Variants in HEY2 observed in about 807,000 individuals in gnomAD.
HEY2 encodes the protein hairy/enhancer-of-split related with YRPW motif protein 2.
Under a neutral mutation model 18.1 loss-of-function variants are expected in HEY2, and 10 were observed. That is an observed-to-expected ratio of 0.55 (90% CI 0.34 to 0.94). HEY2 has a LOEUF of 0.94. Ranked by LOEUF, HEY2 falls within the 40% of genes least tolerant of loss-of-function variation. The probability of loss-of-function intolerance (pLI) is 0.02; values close to 1 mark genes in which losing one functional copy is unlikely to be tolerated. For missense variants in HEY2, 455 were observed against 455.9 expected, an observed-to-expected ratio of 1.00 and a Z score of 0.02; for synonymous variants, 210 against 182.7, an observed-to-expected ratio of 1.15 and a Z score of -1.21.
intron 4 of HEY2, among the ~76,000 whole-genome samples, chr6:125,758,448 T>C (rs540744699): frequency 2.0e-5 from 3 of 152,232 alleles, no homozygotes; most frequent in African/African-American, 7.2e-5. Context: ...GACAGAAATA[T>C]AAGATCTTCA....
Position 125,749,767 on chromosome 6 carries a change from CT to C in HEY2, c.-8del. 1 of 1,563,934 alleles carries C rather than the reference CT, an allele frequency of 6.4e-7. No individual in the cohort carries two copies. The highest frequency in any genetic ancestry group is 1.4e-5 in the African/African-American group (1 of 73,602). On this transcript the variant is annotated 5_prime_UTR_variant, in exon 1 of 5. Transcript: ENST00000368364. The stretch of plus-strand genomic sequence containing the variant: ...CCGGCCGGGCTGTGCCCCGCGCGGT[CT>C]TCGCCGGGATGAAGCGCCCCTGCGA...
At chr6:125,749,959 A>T (rs548825663) in intron 1 of HEY2, 100 bp downstream of exon 1, 6 of 1,016,266 alleles carry the variant, frequency 5.9e-6, no homozygotes, top group Non-Finnish European at 8.9e-6. Context: ...TCTCCGCAGC[A>T]TCTAGGTAGA....
chr6:125,760,007 G>A lies in HEY2; in HGVS notation c.*205G>A, dbSNP rs1201380148. On this transcript the variant is annotated 3_prime_UTR_variant, in exon 5 of 5. Transcript: ENST00000368364. ...TTTTTGTTTGGTTCAAGGCAGCTCG[G>A]TAACTGACATCAGCAACTTTTGAAA... The A allele has an allele frequency of 3.4e-6, 2 of 585,454 alleles. No individual in the cohort carries two copies. Among genetic ancestry groups the A allele is most frequent in the African/African-American group, 1.9e-5 (1 of 53,202 alleles). The allele number at this position is 585,454 out of a possible 1,614,324, so 36.3% of individuals were successfully genotyped here.
Position 125,759,695 on chromosome 6 carries a change from A to G in HEY2, c.907A>G (p.Ile303Val), listed in dbSNP as rs1583191962. 6.2e-7 allele frequency: 1 copy of G among 1,612,990 alleles called. No individual in the cohort carries two copies. The highest frequency in any genetic ancestry group is 1.1e-5 in the South Asian group (1 of 91,092). Residue 303 changes from isoleucine to valine, a missense_variant, in exon 5 of 5, where the codon ATC (isoleucine) becomes GTC (valine). Transcript: ENST00000368364. ...AGCAGCAGTGGCCGCGGCCACAGCC[A>G]TCAGCCCGCCCTTGTCAGTATCAGC... is the stretch of plus-strand genomic sequence containing the variant. ...AAAAVAAATA[I>V]SPPLSVSATS...
At chr6:125,754,421 T>C (rs781418607) in intron 3 of HEY2, 44 bp from the exon 4 acceptor site, 1 of 1,197,626 alleles carries the variant, frequency 8.3e-7, no homozygotes, top group Non-Finnish European at 1.2e-6. Context: ...CAGATTAGTT[T>C]CTGTAGGACA....
At chr6:125,754,058 T>TA (rs1455424590) in intron 3 of HEY2, among the ~76,000 whole-genome samples, 1 of 152,200 alleles carries the variant, frequency 6.6e-6, no homozygotes, top group African/African-American at 2.4e-5. Context: ...CTGGAGTTGT[T>TA]ATGCAACTCC....
Position 125,749,693 on chromosome 6 carries a change from G to A in HEY2, c.-84G>A, listed in dbSNP as rs1267635161. 17 of 995,682 alleles carry A rather than the reference G, an allele frequency of 1.7e-5. No homozygotes were observed. The highest frequency in any genetic ancestry group is 2.5e-5 in the Non-Finnish European group (17 of 682,884). 61.7% of individuals were successfully genotyped at this position (995,682 alleles called of 1,614,324 possible). A position where few individuals can be genotyped will look rare whatever the true frequency, so the allele number is the denominator to read the frequency against. ...AGCCGCGCCTGCCCAGGCCCGGGGA[G>A]GGAGGAGGCGGGCGTCAGGGTGCTG... On this transcript the variant is annotated 5_prime_UTR_variant, in exon 1 of 5. Transcript: ENST00000368364.
At position 125,759,935 on chromosome 6, in the gene HEY2, C is replaced by G; in HGVS notation, c.*133C>G. 1 of 730,788 alleles carries G rather than the reference C, an allele frequency of 1.4e-6. No individual in the cohort carries two copies. The highest frequency in any genetic ancestry group is 1.8e-5 in the African/African-American group (1 of 56,296). 45.3% of individuals were successfully genotyped at this position (730,788 alleles called of 1,614,324 possible). A position where few individuals can be genotyped will look rare whatever the true frequency, so the allele number is the denominator to read the frequency against. On this transcript the variant is annotated 3_prime_UTR_variant, in exon 5 of 5. Transcript: ENST00000368364. ...AGGAACAATAAAGCTATTTGAGACA[C>G]AAACCTCACGAGTGGAAATGTGGTA...
Position 125,760,168 on chromosome 6 carries a change from A to G in HEY2, c.*366A>G, listed in dbSNP as rs971387075. On this transcript the variant is annotated 3_prime_UTR_variant, in exon 5 of 5. Transcript: ENST00000368364. ...TCTTGAGACTAGATGGGACATACAT[A>G]TATAGAGAGAGAGTGAGAGAGTCGT... is the stretch of plus-strand genomic sequence containing the variant. 2 of 222,032 alleles carry G rather than the reference A, an allele frequency of 9.0e-6. No individual in the cohort carries two copies. The highest frequency in any genetic ancestry group is 1.8e-5 in the Non-Finnish European group (2 of 111,986). 13.8% of individuals were successfully genotyped at this position (222,032 alleles called of 1,614,324 possible). A position where few individuals can be genotyped will look rare whatever the true frequency, so the allele number is the denominator to read the frequency against.
At chr6:125,757,151 G>A (rs1482736363) in intron 4 of HEY2, among the ~76,000 whole-genome samples, 2 of 152,110 alleles carry the variant, frequency 1.3e-5, no homozygotes, top group East Asian at 1.9e-4. Context: ...ATCTAGAGAG[G>A]ATTTAGTAGA....
Position 125,759,461 on chromosome 6 carries a change from GCT to G in HEY2, c.677_678del (p.Leu226ProfsTer99), listed in dbSNP as rs1191542702. ...TSEVPPAHGS[A>X]LLTATFAHAD... ...AGAAGTGCCTCCTGCCCACGGCTCT[GCT>G]CTCCTCACGGCCACGTTTGCCCATG... is the stretch of plus-strand genomic sequence containing the variant. On this transcript the variant is annotated frameshift_variant, in exon 5 of 5. Coordinates refer to ENST00000368364, the MANE Select transcript of HEY2 (RefSeq NM_012259.3). LOFTEE classifies it low-confidence loss of function (END_TRUNC). The G allele has an allele frequency of 6.2e-7, 1 of 1,611,590 alleles. No individual in the cohort carries two copies. Among genetic ancestry groups the G allele is most frequent in the Admixed American group, 1.7e-5 (1 of 60,016 alleles).
chr6:125,753,496 A>T (rs1773591900), intron 3 of HEY2, among the ~76,000 whole-genome samples: 1 of 152,132 alleles, frequency 6.6e-6, no homozygotes, highest in Non-Finnish European at 1.5e-5. Context: ...CTCTCACCGT[A>T]CGTGGTGCTG....
Position 125,760,358 on chromosome 6 carries a change from A to G in HEY2, c.*556A>G, listed in dbSNP as rs1410337259. ...AGAGAAGAGTATTCTGCTGAAACCAACAGGTTTTACTGGTCAAAATGACTG... is the reference window on the plus strand; with the variant it reads ...AGAGAAGAGTATTCTGCTGAAACCAGCAGGTTTTACTGGTCAAAATGACTG... On this transcript the variant is annotated 3_prime_UTR_variant, in exon 5 of 5. Transcript: ENST00000368364. The G allele has an allele frequency of 6.5e-6, 1 of 153,242 alleles. No homozygotes were observed. The highest frequency in any genetic ancestry group is 1.5e-5 in the Non-Finnish European group (1 of 68,792). 9.5% of individuals were successfully genotyped at this position (153,242 alleles called of 1,614,324 possible). A position where few individuals can be genotyped will look rare whatever the true frequency, so the allele number is the denominator to read the frequency against.
At chr6:125,753,866 A>C (rs1773598992) in intron 3 of HEY2, among the ~76,000 whole-genome samples, 1 of 152,178 alleles carries the variant, frequency 6.6e-6, no homozygotes, top group Non-Finnish European at 1.5e-5. Context: ...TTATTGGGGA[A>C]AAAAACCTTA....
At chr6:125,750,017 G>A (rs1183616696) in intron 1 of HEY2, among the ~76,000 whole-genome samples, 158 bp downstream of exon 1, 40 of 152,218 alleles carry the variant, frequency 2.6e-4, no homozygotes, top group Non-Finnish European at 4.4e-5. Context: ...CGCTCGCAGA[G>A]CGTGAGTTGG....
At chr6:125,758,285 T>C (rs1354381493) in intron 4 of HEY2, among the ~76,000 whole-genome samples, 1 of 152,178 alleles carries the variant, frequency 6.6e-6, no homozygotes, top group African/African-American at 2.4e-5. Context: ...TAACCATAGG[T>C]ATAGGAGTGC....
In HEY2 at chr6:125,751,922, A is replaced by G. The variant is rs373889651; in HGVS notation, c.162+43A>G. ...CTTTTTATTTCATGTAACTTATACT[A>G]TTGTGTAACAGTTACATTTTTTCAT... On this transcript the variant is annotated intron_variant, in intron 2 of 4. Transcript: ENST00000368364. The G allele has an allele frequency of 6.4e-6, 10 of 1,564,260 alleles. No homozygotes were observed. The African/African-American group carries it at 1.2e-4, about 19-fold the overall frequency.
At chr6:125,757,941 T>C (rs6902519) in intron 4 of HEY2, among the ~76,000 whole-genome samples, 83,426 of 152,054 alleles carry the variant, frequency 0.55, 23,178 homozygotes, top group East Asian at 0.75. Flanking sequence ...CAGAGTGAAA[T>C]CCTGTCTCAA....
intron 1 of HEY2, among the ~76,000 whole-genome samples, chr6:125,751,098 A>G (rs1380205737): frequency 1.3e-5 from 2 of 152,244 alleles, no homozygotes; most frequent in Non-Finnish European, 2.9e-5. Context: ...CTGGAGATTT[A>G]AGCTTAGCCT....
Sources: allele counts gnomAD v4.1 joint callset (sites outside exome capture counted in the v4.1 genomes callset), GRCh38; gene constraint gnomAD v4.1.1; transcripts MANE v1.5; gene names NCBI Gene and HGNC (gene_info 2026-07-23, HGNC 2026-07-21).